FBLN7: variants seen among roughly 807,000 people sequenced by gnomAD.
FBLN7 encodes fibulin 7.
Under a neutral mutation model 44.0 loss-of-function variants are expected in FBLN7, and 31 were observed. The ratio of observed to expected loss-of-function variants is 0.70; its 90% CI spans 0.53 to 0.95. The LOEUF (loss-of-function observed/expected upper bound fraction) is 0.95, where lower values mean the gene tolerates loss of function less well. Among genes scored for constraint, FBLN7 ranks in the 40% least tolerant of loss-of-function variants. FBLN7 has a pLI of 0.00. For missense variants in FBLN7, 573 were observed against 618.5 expected (o/e 0.93, Z 0.78); for synonymous variants, 262 against 253.4 (o/e 1.03, Z -0.32).
chr2:112,234,266 G>A, the FBLN7 span: 3 of 1,438,412 alleles, frequency 2.1e-6, no homozygotes, highest in Non-Finnish European at 2.8e-6. Flanking sequence ...AAAACTAAAT[G>A]TAAGAAACAG....
intron 4 of FBLN7, 69 bp downstream of exon 4, chr2:112,175,908 C>T: frequency 6.4e-7 from 1 of 1,566,014 alleles, no homozygotes; most frequent in Non-Finnish European, 8.7e-7. Flanking sequence ...AGGCATAGGT[C>T]CCCAAATGCA....
intron 1 of FBLN7, among the ~76,000 whole-genome samples, chr2:112,157,190 C>T (rs558624970): frequency 1.3e-5 from 2 of 152,000 alleles, no homozygotes; most frequent in African/African-American, 4.8e-5. Flanking sequence ...GGCAACATGG[C>T]GAAGCCCCGT....
At chr2:112,218,656 A>G in the FBLN7 span, among the ~76,000 whole-genome samples, 1 of 152,314 alleles carries the variant, frequency 6.6e-6, no homozygotes, top group African/African-American at 2.4e-5. Flanking sequence ...AATTTTTTGG[A>G]GATTCACTAC....
chr2:112,140,972 C>T (rs1680616545), intron 1 of FBLN7, among the ~76,000 whole-genome samples: 1 of 152,210 alleles, frequency 6.6e-6, no homozygotes, highest in Non-Finnish European at 1.5e-5. Context: ...TTATGTTAAC[C>T]ATTAGCAACT....
At chr2:112,201,518 C>CT in the FBLN7 span, among the ~76,000 whole-genome samples, 7 of 151,750 alleles carry the variant, frequency 4.6e-5, no homozygotes, top group East Asian at 7.7e-4. Context: ...TTTTTCCCTT[C>CT]TTTTTTTTTC....
intron 7 of FBLN7, among the ~76,000 whole-genome samples, chr2:112,186,355 G>A (rs981762893): frequency 6.6e-6 from 1 of 152,152 alleles, no homozygotes; most frequent in Non-Finnish European, 1.5e-5. Flanking sequence ...GAATACACGT[G>A]ATGGCCAGGC....
At chr2:112,213,608 C>G in the FBLN7 span, 8 of 150,928 alleles carry the variant, frequency 5.3e-5, no homozygotes, top group Admixed American at 3.3e-4. Context: ...AACCCAGTCT[C>G]TACTAAAAAT....
chr2:112,141,586 G>A (rs1176157204), intron 1 of FBLN7, among the ~76,000 whole-genome samples: 1 of 152,336 alleles, frequency 6.6e-6, no homozygotes, highest in South Asian at 2.1e-4. Flanking sequence ...ACCCAACAGA[G>A]CAATGGGGTC....
chr2:112,152,155 C>T (rs1423772867), intron 1 of FBLN7: 2 of 152,230 alleles, frequency 1.3e-5, no homozygotes, highest in Non-Finnish European at 2.9e-5. Context: ...TGAGTCCGGC[C>T]ATCTTGTCAC....
the FBLN7 span, among the ~76,000 whole-genome samples, chr2:112,202,399 T>A: frequency 6.6e-6 from 1 of 151,428 alleles, no homozygotes; most frequent in Non-Finnish European, 1.5e-5. Flanking sequence ...ACACTTCTAT[T>A]TATATATTAC....
downstream of FBLN7, among the ~76,000 whole-genome samples, chr2:112,190,983 G>T (rs1683469011): frequency 6.6e-6 from 1 of 152,066 alleles, no homozygotes; most frequent in Admixed American, 6.6e-5. Flanking sequence ...AGTTAGAGGG[G>T]AGAACTGGCA....
chr2:112,159,959 C>A, intron 2 of FBLN7, 124 bp downstream of exon 2: 1 of 645,996 alleles, frequency 1.5e-6, no homozygotes, highest in Non-Finnish European at 2.2e-6. Flanking sequence ...CATCTTCCAA[C>A]TGTGGCCCCC....
chr2:112,175,145 CCT>C (rs1264295809), intron 3 of FBLN7, among the ~76,000 whole-genome samples: 1 of 152,212 alleles, frequency 6.6e-6, no homozygotes, highest in Non-Finnish European at 1.5e-5. Context: ...AAAACTCTTA[CCT>C]GGTCAAGCAC....
At chr2:112,243,387 T>C in the FBLN7 span, among the ~76,000 whole-genome samples, 4 of 152,346 alleles carry the variant, frequency 2.6e-5, no homozygotes, top group Admixed American at 2.6e-4. Flanking sequence ...TTCCAGGCAA[T>C]GTATATGCTC....
chr2:112,193,275 T>C, the FBLN7 span, among the ~76,000 whole-genome samples: 1 of 152,174 alleles, frequency 6.6e-6, no homozygotes, highest in Non-Finnish European at 1.5e-5. Flanking sequence ...ACTCCATCTC[T>C]ACTAAAAATA....
Position 112,187,470 on chromosome 2 carries a change from C to A in FBLN7, c.1284C>A (p.Ser428=), listed in dbSNP as rs964817003. Residue 428 remains serine, a synonymous_variant, in exon 8 of 8, where the codon TCC becomes TCA. Transcript: ENST00000331203. This position sits in a 1 kb window ranked among gnomAD's most constrained non-coding sequence, Gnocchi z 5.1. ...GCTCCTTCCAGGCCAACCACGTGTC[C>A]AAGGTCACCATCTTTGTATCCCCCT... The part of the protein sequence containing the change: ...LDRSFQANHV[S]KVTIFVSPYD... The A allele has an allele frequency of 6.2e-7, 1 of 1,614,188 alleles. No individual in the cohort carries two copies. Among genetic ancestry groups the A allele is most frequent in the Middle Eastern group, 1.6e-4 (1 of 6,062 alleles).
the FBLN7 span, chr2:112,212,713 T>C: frequency 2.0e-5 from 3 of 152,138 alleles, no homozygotes; most frequent in East Asian, 1.9e-4. Flanking sequence ...CCCCTTGAAA[T>C]CTTAAGACAG....
chr2:112,150,678 G>A lies in FBLN7; in HGVS notation c.76-8998G>A, dbSNP rs1681115690. Among the ~76,000 whole-genome samples, 4 of 152,236 alleles carry A rather than the reference G, an allele frequency of 2.6e-5. 1 individual carries two copies. The South Asian group carries it at 8.3e-4, about 32-fold the overall frequency. On this transcript the variant is annotated intron_variant, in intron 1 of 7. Transcript: ENST00000331203. ...GGATCCTTCCTGGTTGACTGATCTG[G>A]GGCAAGTTCCTGCCCCTTGTGAATC...
the FBLN7 span, among the ~76,000 whole-genome samples, chr2:112,222,383 G>A: frequency 6.6e-6 from 1 of 152,186 alleles, no homozygotes; most frequent in African/African-American, 2.4e-5. Flanking sequence ...CTGGCTACAA[G>A]AGGTGGGGGG....
Sources: gnomAD v4.1 joint callset for allele counts (sites outside exome capture counted in the v4.1 genomes callset) on GRCh38, gnomAD v4.1.1 for gene constraint, Gnocchi (gnomAD v3.1) non-coding constraint, MANE v1.5 for transcripts, NCBI Gene and HGNC (gene_info 2026-07-23, HGNC 2026-07-21) for gene names.